The following COMMD10 variants were observed in gnomAD, a reference collection of about 807,000 sequenced individuals.
The protein encoded by COMMD10 is COMM domain containing 10.
In COMMD10, 33 loss-of-function variants were observed where a neutral mutation model predicts 28.9. The observed-to-expected ratio is 1.14, with a 90% CI of 0.87 to 1.53. COMMD10 has a LOEUF of 1.53. COMMD10 is among the 40% of genes most tolerant of loss of function. The pLI is 0.00. For synonymous variants in COMMD10, 110 were observed against 81.7 expected (o/e 1.35, Z -1.87); for missense variants, 310 against 233.4 (o/e 1.33, Z -2.14).
chr5:116,246,440 T>TA (rs999667546), intron 5 of COMMD10, among the ~76,000 whole-genome samples: 4 of 151,618 alleles, frequency 2.6e-5, no homozygotes, highest in African/African-American at 9.7e-5. Context: ...CTATTCCTAT[T>TA]AAACCTCCAT....
chr5:116,279,166 A>G (rs67339497), intron 5 of COMMD10, among the ~76,000 whole-genome samples: 10,751 of 151,732 alleles, frequency 0.071, 490 homozygotes, highest in East Asian at 0.14. Flanking sequence ...GTAAAACCCT[A>G]CTGGTACTTC....
At chr5:116,267,007 A>C (rs370592216) in intron 5 of COMMD10, among the ~76,000 whole-genome samples, 1 of 151,882 alleles carries the variant, frequency 6.6e-6, no homozygotes, top group African/African-American at 2.4e-5. Flanking sequence ...ATGGACAAAA[A>C]CTGGAAGCAT....
At chr5:116,185,968 C>G (rs867475045) in intron 5 of COMMD10, among the ~76,000 whole-genome samples, 1 of 152,238 alleles carries the variant, frequency 6.6e-6, no homozygotes, top group African/African-American at 2.4e-5. Context: ...TTACTGCCAT[C>G]AAGCATTTTT....
intron 5 of COMMD10, among the ~76,000 whole-genome samples, chr5:116,171,525 A>C (rs1482675059): frequency 6.6e-6 from 1 of 152,220 alleles, no homozygotes; most frequent in Non-Finnish European, 1.5e-5. Context: ...AGACACATGC[A>C]CGTGTATGTT....
intron 4 of COMMD10, among the ~76,000 whole-genome samples, chr5:116,126,761 T>C (rs1184432169): frequency 1.3e-5 from 2 of 152,136 alleles, no homozygotes; most frequent in African/African-American, 4.8e-5. Flanking sequence ...TTACACCTTA[T>C]ACAAAAATTA....
intron 5 of COMMD10, among the ~76,000 whole-genome samples, chr5:116,264,111 C>G (rs1750520737): frequency 6.6e-6 from 1 of 151,734 alleles, no homozygotes; most frequent in African/African-American, 2.4e-5. Flanking sequence ...AAAGGAGTGG[C>G]CCCTAAATCA....
At chr5:116,192,271 C>T (rs935213697) in intron 5 of COMMD10, among the ~76,000 whole-genome samples, 2 of 148,110 alleles carry the variant, frequency 1.4e-5, no homozygotes, top group East Asian at 2.0e-4. Context: ...AACCCCCCCC[C>T]CCAAAAATAA....
chr5:116,268,052 GT>G (rs1750643099), intron 5 of COMMD10, among the ~76,000 whole-genome samples: 1 of 151,770 alleles, frequency 6.6e-6, no homozygotes, highest in South Asian at 2.1e-4. Context: ...AGGACTTCAT[GT>G]CTAAAACACC....
chr5:116,087,491 G>T lies in COMMD10; in HGVS notation c.42-6G>T. 1 of 1,577,770 alleles carries T rather than the reference G, an allele frequency of 6.3e-7. No individual in the cohort carries two copies. The highest frequency in any genetic ancestry group is 1.1e-5 in the South Asian group (1 of 90,268). On this transcript the variant is annotated splice_region_variant and splice_polypyrimidine_tract_variant and intron_variant, in intron 1 of 6. Coordinates refer to ENST00000274458, the MANE Select transcript of COMMD10 (RefSeq NM_016144.4). ...TTTCAAAACTCTGTTTTATAATTTT[G>T]TTTAGCATGAAGAAAGCAGTGTCAC...
intron 5 of COMMD10, among the ~76,000 whole-genome samples, chr5:116,195,703 T>C (rs916914574): frequency 6.6e-6 from 1 of 151,966 alleles, no homozygotes; most frequent in African/African-American, 2.4e-5. Flanking sequence ...CATGAATGGG[T>C]AGAATCAGTA....
At chr5:116,220,194 G>A (rs1473979694) in intron 5 of COMMD10, among the ~76,000 whole-genome samples, 1 of 152,128 alleles carries the variant, frequency 6.6e-6, no homozygotes, top group Non-Finnish European at 1.5e-5. Context: ...TCCAAAAATT[G>A]TTTGTAGGTA....
chr5:116,107,375 T>C (rs1336930817), intron 4 of COMMD10, among the ~76,000 whole-genome samples: 1 of 151,740 alleles, frequency 6.6e-6, no homozygotes, highest in Non-Finnish European at 1.5e-5. Context: ...TTTGTTCATT[T>C]CTTTTCACTG....
At chr5:116,131,638 G>C (rs1423660634) in intron 4 of COMMD10, among the ~76,000 whole-genome samples, 2 of 152,018 alleles carry the variant, frequency 1.3e-5, no homozygotes, top group Admixed American at 6.6e-5. Flanking sequence ...GTCAGAGGCT[G>C]TTGTAGGTCA....
chr5:116,162,595 TATC>T (rs1304742034), intron 5 of COMMD10, among the ~76,000 whole-genome samples: 1 of 152,226 alleles, frequency 6.6e-6, no homozygotes, highest in African/African-American at 2.4e-5. Flanking sequence ...TTTTATCATT[TATC>T]ATTCTCTATA....
chr5:116,224,527 G>T (rs960836773), intron 5 of COMMD10, among the ~76,000 whole-genome samples: 1 of 152,162 alleles, frequency 6.6e-6, no homozygotes, highest in African/African-American at 2.4e-5. Context: ...AGGGGAGTTG[G>T]CATATCACAT....
intron 5 of COMMD10, among the ~76,000 whole-genome samples, chr5:116,200,908 C>T (rs1246168563): frequency 1.3e-5 from 2 of 152,102 alleles, no homozygotes; most frequent in African/African-American, 4.8e-5. Flanking sequence ...GGTTCTGATG[C>T]TTGTTCTGTC....
chr5:116,156,028 TTAA>T (rs1752695309), intron 5 of COMMD10, among the ~76,000 whole-genome samples: 1 of 152,090 alleles, frequency 6.6e-6, no homozygotes, highest in Admixed American at 6.6e-5. Context: ...TTTCTTCATG[TTAA>T]TAATAATGTA....
At chr5:116,121,227 C>A (rs537350292) in intron 4 of COMMD10, among the ~76,000 whole-genome samples, 1 of 151,966 alleles carries the variant, frequency 6.6e-6, no homozygotes, top group Non-Finnish European at 1.5e-5. Context: ...TGAGAACATG[C>A]GGTGTTTGGT....
intron 6 of COMMD10, among the ~76,000 whole-genome samples, chr5:116,292,135 A>T (rs13356050): frequency 6.6e-6 from 1 of 151,320 alleles, no homozygotes; most frequent in Non-Finnish European, 1.5e-5. Context: ...CTCCAATAAA[A>T]CCCCATGTCT....
Sources: gnomAD v4.1 joint callset for allele counts (sites outside exome capture counted in the v4.1 genomes callset) on GRCh38, gnomAD v4.1.1 for gene constraint, MANE v1.5 for transcripts, NCBI Gene and HGNC (gene_info 2026-07-23, HGNC 2026-07-21) for gene names.